Variants in NF1 observed in about 807,000 individuals in gnomAD.
NF1 encodes the protein neurofibromin.
A neutral mutation model predicts 325.7 loss-of-function variants in NF1; 122 were observed. That is an observed-to-expected ratio of 0.37 (90% CI 0.32 to 0.44). The LOEUF (loss-of-function observed/expected upper bound fraction) is 0.44. NF1 is among the 20% of genes least tolerant of loss of function. NF1 has a pLI of 1.00. For synonymous variants in NF1, 1,091 were observed against 1,186.0 expected, an observed-to-expected ratio of 0.92 and a Z score of 1.65; for missense variants, 2,140 against 3,415.4, an observed-to-expected ratio of 0.63 and a Z score of 9.31.
intron 36 of NF1, among the ~76,000 whole-genome samples, chr17:31,288,683 C>G (rs2068290391): frequency 6.6e-6 from 1 of 151,892 alleles, no homozygotes; most frequent in Admixed American, 6.6e-5. Context: ...ATAATAGGTG[C>G]CTGCCCAGCT....
chr17:31,282,406 A>G (rs1411737196), intron 36 of NF1, among the ~76,000 whole-genome samples: 24 of 151,600 alleles, frequency 1.6e-4, no homozygotes, highest in Admixed American at 1.6e-3. Flanking sequence ...AAAAGTATAC[A>G]ATTTTGCATA....
chr17:31,358,655 T>C (rs758390863), intron 55 of NF1, 33 bp downstream of exon 55: 3 of 1,613,348 alleles, frequency 1.9e-6, no homozygotes, highest in Non-Finnish European at 2.5e-6. Context: ...GGATGGTTGA[T>C]GAACTTGCTA....
At chr17:31,351,860 G>GT (rs74671521) in intron 50 of NF1, among the ~76,000 whole-genome samples, 1,459 of 141,252 alleles carry the variant, frequency 0.01, 20 homozygotes, top group African/African-American at 0.03. Flanking sequence ...ATTTTTTGGG[G>GT]TTTTTTTTTT....
chr17:31,313,163 T>G lies in NF1; in HGVS notation c.4836-12657T>G, dbSNP rs17881390. Among the ~76,000 whole-genome samples, 249 of 152,272 alleles carry G rather than the reference T, an allele frequency of 1.6e-3. 1 individual carries two copies. Among genetic ancestry groups the G allele is most frequent in the African/African-American group, 5.7e-3 (239 of 41,566 alleles). On this transcript the variant is annotated intron_variant, in intron 36 of 57. Transcript: ENST00000358273. ...ATAGTCAAATACCACATCTGATTTC[T>G]TTTTCTTTCTAAATTAAGTGAAAGT...
At chr17:31,172,697 T>A (rs1172656601) in intron 5 of NF1, among the ~76,000 whole-genome samples, 1 of 152,202 alleles carries the variant, frequency 6.6e-6, no homozygotes, top group African/African-American at 2.4e-5. Context: ...CATCTGCTCG[T>A]CTCTAGAACC....
intron 36 of NF1, chr17:31,304,210 GAA>G: frequency 2.7e-6 from 4 of 1,497,850 alleles, no homozygotes; most frequent in South Asian, 1.3e-5. Flanking sequence ...AACATATAAA[GAA>G]AAAAGAGTCA....
intron 36 of NF1, among the ~76,000 whole-genome samples, chr17:31,299,358 T>C (rs950784181): frequency 6.6e-6 from 1 of 152,042 alleles, no homozygotes; most frequent in Non-Finnish European, 1.5e-5. Context: ...AAATATTTTT[T>C]AGAGGCATAA....
At chr17:31,292,017 G>A (rs554808358) in intron 36 of NF1, among the ~76,000 whole-genome samples, 8 of 152,212 alleles carry the variant, frequency 5.3e-5, no homozygotes, top group Non-Finnish European at 1.2e-4. Context: ...CCAAGACACT[G>A]TGAAGGGTTT....
chr17:31,235,513 T>C (rs2067183305), intron 27 of NF1, 98 bp from the exon 28 acceptor site: 4 of 1,253,332 alleles, frequency 3.2e-6, no homozygotes, highest in Admixed American at 1.7e-5. Flanking sequence ...TAGCAAGTGG[T>C]TGTCAACTTT....
intron 12 of NF1, among the ~76,000 whole-genome samples, chr17:31,209,056 C>T (rs1006270260): frequency 2.6e-5 from 4 of 152,184 alleles, no homozygotes; most frequent in African/African-American, 4.8e-5. Context: ...GGGGGCTGTA[C>T]TGCGCATTGT....
intron 18 of NF1, among the ~76,000 whole-genome samples, 174 bp downstream of exon 18, chr17:31,226,858 T>C (rs1294197553): frequency 6.6e-6 from 1 of 152,228 alleles, no homozygotes; most frequent in Non-Finnish European, 1.5e-5. Flanking sequence ...TTGAAATAAA[T>C]TGTTAGTCTT....
At chr17:31,175,271 G>A (rs1164727179) in intron 5 of NF1, among the ~76,000 whole-genome samples, 1 of 148,436 alleles carries the variant, frequency 6.7e-6, no homozygotes, top group African/African-American at 2.5e-5. Flanking sequence ...ACCACCAGAT[G>A]TTAACTGTGA....
At chr17:31,328,791 C>T (rs1314337519) in intron 38 of NF1, among the ~76,000 whole-genome samples, 1 of 152,036 alleles carries the variant, frequency 6.6e-6, no homozygotes, top group Non-Finnish European at 1.5e-5. Context: ...ATTCCAAATT[C>T]TCCTTTACTT....
At chr17:31,139,327 A>C (rs1440610030) in intron 1 of NF1, among the ~76,000 whole-genome samples, 11 of 151,444 alleles carry the variant, frequency 7.3e-5, no homozygotes, top group Non-Finnish European at 1.6e-4. Context: ...GGATTACAGC[A>C]TGAGTCATTG....
intron 29 of NF1, among the ~76,000 whole-genome samples, chr17:31,241,966 T>C (rs1455577759): frequency 6.6e-6 from 1 of 152,174 alleles, no homozygotes; most frequent in Non-Finnish European, 1.5e-5. Flanking sequence ...TCTAGGAAAG[T>C]CTTTATTTCT....
chr17:31,121,767 A>T (rs1914461276), intron 1 of NF1, among the ~76,000 whole-genome samples: 1 of 152,206 alleles, frequency 6.6e-6, no homozygotes, highest in Non-Finnish European at 1.5e-5. Context: ...CATCCCAGTG[A>T]TGAAGCTGAC....
chr17:31,118,175 A>G (rs986405767), intron 1 of NF1, among the ~76,000 whole-genome samples: 1 of 152,244 alleles, frequency 6.6e-6, no homozygotes, highest in Non-Finnish European at 1.5e-5. Flanking sequence ...TTTTGTGCCT[A>G]GAAATTGTGG....
At chr17:31,212,970 C>T (rs2066755305) in intron 12 of NF1, among the ~76,000 whole-genome samples, 1 of 152,090 alleles carries the variant, frequency 6.6e-6, no homozygotes, top group African/African-American at 2.4e-5. Context: ...TGGCATATGA[C>T]TCTATTTACG....
intron 13 of NF1, among the ~76,000 whole-genome samples, chr17:31,216,566 T>C (rs2066822471): frequency 6.6e-6 from 1 of 152,180 alleles, no homozygotes; most frequent in Non-Finnish European, 1.5e-5. Flanking sequence ...TCCTAATTAC[T>C]CAGCTTGCAT....
Sources: allele counts gnomAD v4.1 joint callset (sites outside exome capture counted in the v4.1 genomes callset), GRCh38; gene constraint gnomAD v4.1.1; transcripts MANE v1.5; gene names NCBI Gene and HGNC (gene_info 2026-07-23, HGNC 2026-07-21).